The following FBXO24 variants were observed in gnomAD, a reference collection of about 807,000 sequenced individuals.
FBXO24 encodes the protein F-box only protein 24.
Under a neutral mutation model 63.5 loss-of-function variants are expected in FBXO24, and 30 were observed. The observed-to-expected ratio is 0.47, with a 90% CI of 0.35 to 0.64. The LOEUF is 0.64. Ranked by LOEUF, FBXO24 falls within the 30% of genes least tolerant of loss-of-function variation. FBXO24 has a pLI of 0.00. For missense variants in FBXO24, 624 were observed against 763.4 expected, an observed-to-expected ratio of 0.82 and a Z score of 2.15; for synonymous variants, 300 against 305.0, an observed-to-expected ratio of 0.98 and a Z score of 0.17.
At chr7:100,589,685 G>A (rs546921041) in intron 1 of FBXO24, 1 of 1,539,948 alleles carries the variant, frequency 6.5e-7, no homozygotes, top group East Asian at 2.5e-5. Context: ...AAGGGCCTAG[G>A]AGACAGGAGG....
chr7:100,592,268 A>AC (rs1207303428), intron 4 of FBXO24: 2 of 256,644 alleles, frequency 7.8e-6, no homozygotes, highest in Non-Finnish European at 1.5e-5. Context: ...TCGAAAAAAA[A>AC]AGACATACCT....
intron 8 of FBXO24, among the ~76,000 whole-genome samples, chr7:100,598,144 C>T (rs148294548): frequency 6.6e-6 from 1 of 152,124 alleles, no homozygotes; most frequent in African/African-American, 2.4e-5. Flanking sequence ...TTGAAGGCTG[C>T]AGTGAGCTGT....
chr7:100,595,407 C>A (rs1304826679), intron 7 of FBXO24, among the ~76,000 whole-genome samples, 168 bp from the exon 8 acceptor site: 1 of 151,924 alleles, frequency 6.6e-6, no homozygotes, highest in Non-Finnish European at 1.5e-5. Context: ...ATCGCTTGAG[C>A]CCAGGAGCTC....
chr7:100,590,145 C>G (rs1801938274), intron 2 of FBXO24, 29 bp from the exon 3 acceptor site: 3 of 1,609,642 alleles, frequency 1.9e-6, no homozygotes, highest in Non-Finnish European at 2.5e-6. Flanking sequence ...CCACCAAAGA[C>G]TCCCCGCTTC....
rs1802197297 is a variant in FBXO24 at position 100,594,440 on chromosome 7, C to T, written c.851C>T (p.Ser284Phe). The T allele has an allele frequency of 2.5e-6, 4 of 1,613,822 alleles. No individual in the cohort carries two copies. Among genetic ancestry groups the T allele is most frequent in the Non-Finnish European group, 3.4e-6 (4 of 1,179,872 alleles). Residue 284 changes from serine to phenylalanine, a missense_variant, in exon 6 of 10, where the codon TCC becomes TTC. Ser to Phe is a radical substitution (Grantham distance 155). This residue lies in a region of FBXO24 where 391 missense variants were observed against 469.1 expected (regional missense o/e 0.83). Coordinates refer to ENST00000241071, the MANE Select transcript of FBXO24 (RefSeq NM_033506.3). The surrounding 1 kb of genome is among the most constrained non-coding windows in gnomAD (Gnocchi z 4.2). ...GAGACCCAGCTTGACCAGCCACGCT[C>T]CTACACGGTTCAGCTGGCCCTGAGG... ...VNETQLDQPR[S>F]YTVQLALRKV...
intron 8 of FBXO24, 48 bp from the exon 9 acceptor site, chr7:100,599,983 C>G: frequency 1.3e-6 from 2 of 1,516,238 alleles, no homozygotes; most frequent in Non-Finnish European, 1.8e-6. Flanking sequence ...CCCAGCCCCC[C>G]CGTCCCTTGG....
chr7:100,591,032 T>TA (rs1491587105), intron 3 of FBXO24, among the ~76,000 whole-genome samples: 1 of 60,150 alleles, frequency 1.7e-5, no homozygotes, highest in East Asian at 5.8e-4. Context: ...TTTTCTTTGA[T>TA]TTTTTTTTTT....
rs1801893795 is a variant in FBXO24 at position 100,589,524 on chromosome 7, C to T, written c.40-453C>T. ...GGGTCCTGGGCAAGATTAAAGGGAA[C>T]AGGTCACAGTGGCCAAACAGTGAGG... On this transcript the variant is annotated intron_variant, in intron 1 of 9. Coordinates refer to ENST00000241071, the MANE Select transcript of FBXO24 (RefSeq NM_033506.3). 2.3e-5 allele frequency: 32 copies of T among 1,374,640 alleles called. No homozygotes were observed. The South Asian group carries it at 6.3e-4, about 27-fold the overall frequency. 85.2% of individuals were successfully genotyped at this position (1,374,640 alleles called of 1,614,324 possible). A position where few individuals can be genotyped will look rare whatever the true frequency, so the allele number is the denominator to read the frequency against.
Position 100,595,714 on chromosome 7 carries a change from TATTTCCC to T in FBXO24, c.1206+10_1206+16del, listed in dbSNP as rs1802275048. ...CGAGGGGAACCCACACAGGTGAGAC[TATTTCCC>T]AGCAACTCTCATCCCAACCCCTTTC... On this transcript the variant is annotated intron_variant, in intron 8 of 9. Transcript: ENST00000241071. 2 of 1,587,002 alleles carry T rather than the reference TATTTCCC, an allele frequency of 1.3e-6. No individual in the cohort carries two copies. Among genetic ancestry groups the T allele is most frequent in the Non-Finnish European group, 1.7e-6 (2 of 1,162,518 alleles).
Position 100,597,813 on chromosome 7 carries a change from C to T in FBXO24, c.1206+2107C>T, listed in dbSNP as rs546896027. On this transcript the variant is annotated intron_variant, in intron 8 of 9. Transcript: ENST00000241071. Reference sequence around the variant, plus strand: ...AACTCCAGGGCTCAAGAGATCCTCCCGCCTCAACCTCCCAAGCAGCTAGGA... The same window carrying T: ...AACTCCAGGGCTCAAGAGATCCTCCTGCCTCAACCTCCCAAGCAGCTAGGA... Among the ~76,000 whole-genome samples the T allele has an allele frequency of 1.7e-3, 263 of 152,136 alleles. 2 individuals carry two copies. The highest frequency in any genetic ancestry group is 6.0e-3 in the African/African-American group (251 of 41,510).
At chr7:100,599,817 G>T in intron 8 of FBXO24, 2 of 571,824 alleles carry the variant, frequency 3.5e-6, no homozygotes, top group South Asian at 4.0e-5. Flanking sequence ...GGGCATAGAT[G>T]AGATACCAAC....
At chr7:100,590,413 C>T in intron 3 of FBXO24, 56 bp downstream of exon 3, 4 of 1,546,008 alleles carry the variant, frequency 2.6e-6, no homozygotes, top group Non-Finnish European at 3.5e-6. Flanking sequence ...CTTAGCCTTC[C>T]TGCTCTCTAA....
rs1233666216 is a variant in FBXO24, at chr7:100,592,800, G to A, written c.576G>A (p.Arg192=). Residue 192 remains arginine, a synonymous_variant, in exon 5 of 10, where the codon AGG becomes AGA. Transcript: ENST00000241071. ...RGAKDFASDP[R]CDTVYRKYLY... Reference sequence around the variant, plus strand: ...TCCCCCAGTTTGCCTCGGACCCAAGGTGTGACACAGTTTACCGTAAATACC... The same window carrying A: ...TCCCCCAGTTTGCCTCGGACCCAAGATGTGACACAGTTTACCGTAAATACC... 1 of 1,614,010 alleles carries A rather than the reference G, an allele frequency of 6.2e-7. No homozygotes were observed. The highest frequency in any genetic ancestry group is 8.5e-7 in the Non-Finnish European group (1 of 1,180,010).
Position 100,593,033 on chromosome 7 carries a change from A to G in FBXO24, c.793+16A>G, listed in dbSNP as rs780475510. ...CTCCTCACAGGTGTGGCCCAAAGCA[A>G]TGGCTTTTGCAAACTGTTTCCTGCA... is the stretch of plus-strand genomic sequence containing the variant. On this transcript the variant is annotated intron_variant, in intron 5 of 9. Coordinates refer to ENST00000241071, the MANE Select transcript of FBXO24 (RefSeq NM_033506.3). 6 of 1,609,050 alleles carry G rather than the reference A, an allele frequency of 3.7e-6. No homozygotes were observed. The highest frequency in any genetic ancestry group is 3.3e-5 in the Admixed American group (2 of 59,908).
rs572704133 is a variant in FBXO24 at position 100,592,971 on chromosome 7, C to T, written c.747C>T (p.Ile249=). 2.7e-5 allele frequency: 43 copies of T among 1,614,148 alleles called. No individual in the cohort carries two copies. Among genetic ancestry groups the T allele is most frequent in the African/African-American group, 1.9e-4 (14 of 75,032 alleles). Residue 249 remains isoleucine (I), a synonymous_variant, in exon 5 of 10, where the codon ATC becomes ATT. Coordinates refer to ENST00000241071, the MANE Select transcript of FBXO24 (RefSeq NM_033506.3). ...ACCACTCAATGACCTTCAAGCAGAT[C>T]GTGCTGGTTGGTCAGGAGACCCAGC... The part of the protein sequence containing the change: ...TFHHSMTFKQ[I]VLVGQETQRA...
chr7:100,598,978 C>T (rs1462946163), intron 8 of FBXO24, among the ~76,000 whole-genome samples: 1 of 147,092 alleles, frequency 6.8e-6, no homozygotes, highest in East Asian at 2.0e-4. Context: ...GACTCCGTCT[C>T]TACAAAAAAA....
intron 8 of FBXO24, among the ~76,000 whole-genome samples, chr7:100,598,621 G>A (rs560382562): frequency 6.6e-6 from 1 of 152,208 alleles, no homozygotes; most frequent in Non-Finnish European, 1.5e-5. Flanking sequence ...CAGGAAGCAA[G>A]TAGAAGCTTT....
In FBXO24 at chr7:100,590,237, T is replaced by C. The variant is rs1801945909; in HGVS notation, c.202T>C (p.Tyr68His). Residue 68 changes from tyrosine to histidine, a missense_variant, in exon 3 of 10, where the codon TAC (tyrosine) becomes CAC (histidine). Physicochemically the swap from Tyr to His is moderately conservative, Grantham distance 83 (BLOSUM62 2). Transcript: ENST00000241071. ...DLVALGQTCR[Y>H]FHEVCDGEGV... is the part of the protein sequence containing the mutation. ...TGTTGCCCTCGGCCAGACCTGCCGCTACTTCCACGAAGTGTGCGATGGGGA... is the reference window on the plus strand; with the variant it reads ...TGTTGCCCTCGGCCAGACCTGCCGCCACTTCCACGAAGTGTGCGATGGGGA... 1 of 1,614,058 alleles carries C rather than the reference T, an allele frequency of 6.2e-7. No homozygotes were observed. Among genetic ancestry groups the C allele is most frequent in the African/African-American group, 1.3e-5 (1 of 74,928 alleles).
At chr7:100,599,967 T>TAC in intron 8 of FBXO24, 64 bp from the exon 9 acceptor site, 6 of 1,496,756 alleles carry the variant, frequency 4.0e-6, no homozygotes, top group Non-Finnish European at 4.6e-6. Flanking sequence ...GTCAACCTTT[T>TAC]CCCACCCCAG....
Sources: gnomAD v4.1 joint callset for allele counts (sites outside exome capture counted in the v4.1 genomes callset) on GRCh38, gnomAD v4.1.1 for gene constraint, gnomAD v4.1.1 regional missense constraint, Gnocchi (gnomAD v3.1) non-coding constraint, MANE v1.5 for transcripts, NCBI Gene and HGNC (gene_info 2026-07-23, HGNC 2026-07-21) for gene names.